Variants in SNTG1 observed in about 807,000 individuals in gnomAD.
SNTG1 encodes the protein gamma-1-syntrophin.
In SNTG1, 39 loss-of-function variants were observed where a neutral mutation model predicts 74.7. The observed-to-expected ratio is 0.52, with a 90% CI of 0.40 to 0.68. The LOEUF is 0.68. SNTG1 is among the 30% of genes least tolerant of loss of function. The pLI is 0.00. For missense variants in SNTG1, 685 were observed against 609.5 expected (o/e 1.12, Z -1.30); for synonymous variants, 254 against 217.1 (o/e 1.17, Z -1.49).
At chr8:50,168,072 A>T (rs1283600809) in intron 1 of SNTG1, among the ~76,000 whole-genome samples, 2 of 152,126 alleles carry the variant, frequency 1.3e-5, no homozygotes, top group Non-Finnish European at 2.9e-5. Flanking sequence ...AAATGTAAAA[A>T]TATAATTTAA....
chr8:50,671,512 T>G (rs1162860630), intron 15 of SNTG1, among the ~76,000 whole-genome samples: 1 of 152,064 alleles, frequency 6.6e-6, no homozygotes, highest in African/African-American at 2.4e-5. Flanking sequence ...TCACACCAGT[T>G]AGAATGGCGA....
At chr8:50,236,535 C>T (rs2085909938) in intron 2 of SNTG1, among the ~76,000 whole-genome samples, 1 of 150,850 alleles carries the variant, frequency 6.6e-6, no homozygotes, top group South Asian at 2.1e-4. Flanking sequence ...ACTGCAAGCT[C>T]CACCTCCTGG....
At chr8:50,441,809 A>G (rs1011916252) in intron 5 of SNTG1, among the ~76,000 whole-genome samples, 1 of 152,162 alleles carries the variant, frequency 6.6e-6, no homozygotes, top group Non-Finnish European at 1.5e-5. Context: ...AAGCCACCCA[A>G]AAAGAGTTCT....
At chr8:50,088,453 G>A (rs1439687737) in intron 1 of SNTG1, among the ~76,000 whole-genome samples, 4 of 128,776 alleles carry the variant, frequency 3.1e-5, no homozygotes, top group Admixed American at 1.7e-4. Context: ...TAGGAAAAGA[G>A]GAAGTCAAAT....
intron 5 of SNTG1, among the ~76,000 whole-genome samples, chr8:50,439,275 A>G (rs192466698): frequency 1.3e-5 from 2 of 152,276 alleles, no homozygotes; most frequent in African/African-American, 4.8e-5. Flanking sequence ...TCATGACTGC[A>G]ATGCCTTTGT....
intron 4 of SNTG1, among the ~76,000 whole-genome samples, chr8:50,423,593 A>G (rs916099779): frequency 2.0e-5 from 3 of 152,256 alleles, no homozygotes; most frequent in Non-Finnish European, 4.4e-5. Flanking sequence ...GCAGAATGCT[A>G]TCTGACAGAG....
chr8:50,450,233 T>C (rs1283798054), intron 6 of SNTG1, among the ~76,000 whole-genome samples: 1 of 152,236 alleles, frequency 6.6e-6, no homozygotes, highest in Non-Finnish European at 1.5e-5. Flanking sequence ...TGAATGTCTA[T>C]GTCTTAAACA....
intron 1 of SNTG1, among the ~76,000 whole-genome samples, chr8:50,092,540 G>A (rs949221185): frequency 2.0e-5 from 3 of 152,096 alleles, no homozygotes; most frequent in Non-Finnish European, 2.9e-5. Flanking sequence ...TTGGCTTCAG[G>A]ACTCCCTGAT....
chr8:50,293,955 A>G (rs567640372), intron 2 of SNTG1, among the ~76,000 whole-genome samples: 58 of 152,284 alleles, frequency 3.8e-4, no homozygotes, highest in South Asian at 1.0e-3. Flanking sequence ...AAAACAATTT[A>G]TGCTGTGACA....
At chr8:50,101,154 A>G (rs2080108975) in intron 1 of SNTG1, among the ~76,000 whole-genome samples, 1 of 152,050 alleles carries the variant, frequency 6.6e-6, no homozygotes, top group East Asian at 1.9e-4. Context: ...GTATATATGT[A>G]CCACATTTTC....
chr8:50,318,255 C>T (rs1443288435), intron 2 of SNTG1, among the ~76,000 whole-genome samples: 1 of 148,740 alleles, frequency 6.7e-6, no homozygotes, highest in East Asian at 2.1e-4. Flanking sequence ...ATGTGCACGG[C>T]AATCTACAAG....
chr8:50,027,525 G>A (rs1817370914), intron 1 of SNTG1, among the ~76,000 whole-genome samples: 1 of 152,208 alleles, frequency 6.6e-6, no homozygotes, highest in Non-Finnish European at 1.5e-5. Flanking sequence ...CAGACATACA[G>A]AGGAAGGGTG....
intron 2 of SNTG1, among the ~76,000 whole-genome samples, chr8:50,206,435 G>C (rs1042886984): frequency 6.6e-6 from 1 of 152,146 alleles, no homozygotes; most frequent in Non-Finnish European, 1.5e-5. Context: ...TGAGACTGCT[G>C]AAGTTTCTTA....
chr8:50,793,732 A>T lies in SNTG1; in HGVS notation c.*903A>T, dbSNP rs904639068. The T allele has an allele frequency of 6.6e-6, 1 of 151,898 alleles. No homozygotes were observed. Among genetic ancestry groups the T allele is most frequent in the African/African-American group, 2.4e-5 (1 of 41,394 alleles). 9.4% of individuals were successfully genotyped at this position (151,898 alleles called of 1,614,324 possible). On this transcript the variant is annotated 3_prime_UTR_variant, in exon 19 of 19. Transcript: ENST00000642720. ...ATAAACAAATATGGTGTGAGAAACA[A>T]TTCTTTGTAATCCGAAGTCTACTAG... is the stretch of plus-strand genomic sequence containing the variant.
At chr8:50,595,135 A>C (rs1471235500) in intron 13 of SNTG1, among the ~76,000 whole-genome samples, 1 of 150,976 alleles carries the variant, frequency 6.6e-6, no homozygotes, top group Non-Finnish European at 1.5e-5. Flanking sequence ...TATTTTTTTC[A>C]ATTTGAGAAA....
At chr8:50,103,656 C>T (rs1179015166) in intron 1 of SNTG1, among the ~76,000 whole-genome samples, 1 of 152,174 alleles carries the variant, frequency 6.6e-6, no homozygotes, top group African/African-American at 2.4e-5. Flanking sequence ...AAAGGGAATG[C>T]TTCCAGTTTT....
intron 1 of SNTG1, among the ~76,000 whole-genome samples, chr8:50,148,599 G>A (rs1169546519): frequency 6.6e-6 from 1 of 152,014 alleles, no homozygotes; most frequent in African/African-American, 2.4e-5. Flanking sequence ...CCCTTCCTGT[G>A]TCCAAGTGTT....
intron 1 of SNTG1, 21 bp downstream of exon 1, chr8:49,912,252 T>C (rs997028551): frequency 2.0e-5 from 3 of 152,180 alleles, no homozygotes; most frequent in African/African-American, 7.2e-5. Flanking sequence ...GCGCTATTAT[T>C]TTTGTTTTTT....
At chr8:50,127,588 T>A (rs149746320) in intron 1 of SNTG1, among the ~76,000 whole-genome samples, 3 of 152,270 alleles carry the variant, frequency 2.0e-5, no homozygotes, top group African/African-American at 7.2e-5. Context: ...CTGTAATAAC[T>A]GCAGGGAAGC....
Sources: gnomAD v4.1 joint callset for allele counts (sites outside exome capture counted in the v4.1 genomes callset) on GRCh38, gnomAD v4.1.1 for gene constraint, MANE v1.5 for transcripts, NCBI Gene and HGNC (gene_info 2026-07-23, HGNC 2026-07-21) for gene names.